NEO1: variants seen among roughly 807,000 people sequenced by gnomAD.
NEO1 encodes neogenin.
In NEO1, 63 loss-of-function variants were observed where a neutral mutation model predicts 159.7. That is an observed-to-expected ratio of 0.39 (90% CI 0.32 to 0.49). The LOEUF (loss-of-function observed/expected upper bound fraction) is 0.49. Among genes scored for constraint, NEO1 ranks in the 20% least tolerant of loss-of-function variants. NEO1 has a pLI of 0.85. For missense variants in NEO1, 1,615 were observed against 1,831.0 expected (o/e 0.88, Z 2.15); for synonymous variants, 633 against 662.0 (o/e 0.96, Z 0.67).
At chr15:73,262,111 G>A (rs1226508744) in intron 15 of NEO1, among the ~76,000 whole-genome samples, 1 of 152,120 alleles carries the variant, frequency 6.6e-6, no homozygotes, top group East Asian at 1.9e-4. Flanking sequence ...TACGCTATAT[G>A]CAAAAACAGA....
intron 2 of NEO1, among the ~76,000 whole-genome samples, chr15:73,117,127 TG>T (rs2071371561): frequency 6.6e-6 from 1 of 152,194 alleles, no homozygotes; most frequent in Non-Finnish European, 1.5e-5. Flanking sequence ...CTTTTAAACT[TG>T]GAAGTGGCAG....
At chr15:73,212,758 A>G (rs1248115746) in intron 7 of NEO1, among the ~76,000 whole-genome samples, 1 of 151,828 alleles carries the variant, frequency 6.6e-6, no homozygotes, top group Non-Finnish European at 1.5e-5. Flanking sequence ...AAACAGCCCA[A>G]AAAAAAAGGA....
chr15:73,167,253 A>G (rs2034640635), intron 5 of NEO1, among the ~76,000 whole-genome samples: 1 of 149,908 alleles, frequency 6.7e-6, no homozygotes, highest in African/African-American at 2.4e-5. Flanking sequence ...GTGCACATGT[A>G]CCCTAGAATT....
rs962416019 is a variant in NEO1 at position 73,122,757 on chromosome 15, G to A, written c.681G>A (p.Gly227=). The A allele has an allele frequency of 2.5e-6, 4 of 1,614,070 alleles. No individual in the cohort carries two copies. Among genetic ancestry groups the A allele is most frequent in the Non-Finnish European group, 2.5e-6 (3 of 1,180,036 alleles). ...ATCGCTGCGTAGTGGAAAGTGGTGG[G>A]CCACCAAAGTATAGTGATGAAGTTG... ...GLYRCVVESG[G]PPKYSDEVEL... is the part of the protein sequence containing the mutation. Residue 227 remains glycine (G), a synonymous_variant, in exon 3 of 29, where the codon GGG becomes GGA. Transcript: ENST00000261908.
At chr15:73,238,282 T>G (rs1395437003) in intron 8 of NEO1, among the ~76,000 whole-genome samples, 4 of 141,676 alleles carry the variant, frequency 2.8e-5, no homozygotes, top group Non-Finnish European at 6.1e-5. Flanking sequence ...TTTTTTTTTT[T>G]TTTTTTTTTT....
intron 4 of NEO1, 171 bp downstream of exon 4, chr15:73,126,741 T>A: frequency 1.9e-6 from 1 of 534,054 alleles, no homozygotes; most frequent in Non-Finnish European, 3.1e-6. Flanking sequence ...TGAGGATATT[T>A]AAAGAAAAAG....
chr15:73,159,272 T>A (rs1439509256), intron 5 of NEO1, among the ~76,000 whole-genome samples: 1 of 152,210 alleles, frequency 6.6e-6, no homozygotes, highest in Non-Finnish European at 1.5e-5. Context: ...ACGTATGTGT[T>A]GTAATATTTG....
Position 73,150,555 on chromosome 15 carries a change from AGAGT to A in NEO1, c.1015+14529_1015+14532del, listed in dbSNP as rs565249241. 8.5e-5 allele frequency among the ~76,000 whole-genome samples: 13 copies of A among 152,324 alleles called. No individual in the cohort carries two copies. The East Asian group carries it at 2.5e-3, about 29-fold the overall frequency. ...CAATCTAAATTTTTTGTTACATTTC[AGAGT>A]AAGTTGCAGACATACCCAGATCCTT... is the stretch of plus-strand genomic sequence containing the variant. On this transcript the variant is annotated intron_variant, in intron 5 of 28. Coordinates refer to ENST00000261908, the MANE Select transcript of NEO1 (RefSeq NM_002499.4).
At position 73,249,187 on chromosome 15, in the gene NEO1, A is replaced by G. The variant is rs1481297569; in HGVS notation, c.1734A>G (p.Glu578=). 2 of 1,613,950 alleles carry G rather than the reference A, an allele frequency of 1.2e-6. No individual in the cohort carries two copies. The highest frequency in any genetic ancestry group is 1.7e-6 in the Non-Finnish European group (2 of 1,179,952). The part of the protein sequence containing the change: ...EIQNYKLYYM[E]KGTDKEQDVD... ...AGAATTATAAATTGTACTACATGGA[A>G]AAGGGGACTGATAAAGAACAGGTAT... The change falls in exon 10 of 29, where the codon GAA becomes GAG. Residue 578 remains glutamate, a synonymous_variant. Transcript: ENST00000261908.
intron 1 of NEO1, among the ~76,000 whole-genome samples, chr15:73,099,938 A>G (rs972400685): frequency 3.3e-5 from 5 of 152,136 alleles, no homozygotes; most frequent in African/African-American, 4.8e-5. Context: ...ATCATTTTCT[A>G]CTTTTCTTGT....
chr15:73,274,055 T>A, intron 20 of NEO1, 50 bp downstream of exon 20: 1 of 1,525,016 alleles, frequency 6.6e-7, no homozygotes, highest in Non-Finnish European at 9.0e-7. Context: ...TTAGTGGGGC[T>A]ATGCTGACAC....
intron 7 of NEO1, among the ~76,000 whole-genome samples, chr15:73,203,129 G>A (rs2036999953): frequency 6.6e-6 from 1 of 152,096 alleles, no homozygotes; most frequent in Non-Finnish European, 1.5e-5. Flanking sequence ...TACTCAGAGT[G>A]GAATTGCTGG....
Position 73,236,430 on chromosome 15 carries a change from T to G in NEO1, c.1375T>G (p.Trp459Gly). 6.2e-7 allele frequency: 1 copy of G among 1,614,144 alleles called. No homozygotes were observed. Among genetic ancestry groups the G allele is most frequent in the Non-Finnish European group, 8.5e-7 (1 of 1,180,012 alleles). Residue 459 changes from tryptophan (W) to glycine (G), a missense_variant, in exon 8 of 29, where the codon TGG (tryptophan) becomes GGG (glycine). By Grantham distance (184) the Trp-to-Gly change is radical. Around this residue, in one of 3 missense-constraint regions of NEO1, gnomAD observed 1,018 missense variants for 1,115.4 expected, o/e 0.91. Coordinates refer to ENST00000261908, the MANE Select transcript of NEO1 (RefSeq NM_002499.4). ...LVSTRFIKLT[W>G]RTPASDPHGD... is the part of the protein sequence containing the mutation. ...CTCTACCCGCTTCATCAAATTGACGTGGCGGACACCTGCATCAGATCCTCA... is the reference window on the plus strand; with the variant it reads ...CTCTACCCGCTTCATCAAATTGACGGGGCGGACACCTGCATCAGATCCTCA...
At chr15:73,268,076 A>G (rs1299516694) in intron 16 of NEO1, among the ~76,000 whole-genome samples, 5 of 152,152 alleles carry the variant, frequency 3.3e-5, no homozygotes, top group African/African-American at 1.2e-4. Context: ...GACCCAGAAC[A>G]TCAGGGGGCC....
chr15:73,119,957 T>G (rs1403406638), intron 2 of NEO1, among the ~76,000 whole-genome samples: 1 of 151,976 alleles, frequency 6.6e-6, no homozygotes, highest in Non-Finnish European at 1.5e-5. Context: ...ACCAACATGG[T>G]GAAACCCCAT....
Position 73,223,974 on chromosome 15 carries a change from G to A in NEO1, c.1292-12373G>A, listed in dbSNP as rs1197000081. ...TTCAAGATGTAGAGCTCCTTTTAGC[G>A]GTCTCGTAGAGGTGGCTTGGGTAGT... On this transcript the variant is annotated intron_variant, in intron 7 of 28. Coordinates refer to ENST00000261908, the MANE Select transcript of NEO1 (RefSeq NM_002499.4). Among the ~76,000 whole-genome samples the A allele has an allele frequency of 2.6e-5, 4 of 152,102 alleles. No homozygotes were observed. In the East Asian group the frequency reaches 5.8e-4, roughly 22 times the overall value.
rs187318447 is a variant in NEO1 at position 73,244,372 on chromosome 15, G to A, written c.1480G>A (p.Gly494Arg). ...ACGTGTTGAGAATACCAGTCACCCAGGAGAGATGCAAGTAACCATTCAAAA... is the reference window on the plus strand; with the variant it reads ...ACGTGTTGAGAATACCAGTCACCCAAGAGAGATGCAAGTAACCATTCAAAA... ...RERVENTSHP[G>R]EMQVTIQNLM... is the part of the protein sequence containing the mutation. Residue 494 changes from glycine (G) to arginine (R), a missense_variant, in exon 9 of 29, where the codon GGA (glycine) becomes AGA (arginine). This residue lies in a region of NEO1 where 1,018 missense variants were observed against 1,115.4 expected (regional missense o/e 0.91). Coordinates refer to ENST00000261908, the MANE Select transcript of NEO1 (RefSeq NM_002499.4). 6.2e-7 allele frequency: 1 copy of A among 1,613,816 alleles called. No individual in the cohort carries two copies. Among genetic ancestry groups the A allele is most frequent in the African/African-American group, 1.3e-5 (1 of 75,028 alleles).
At position 73,122,659 on chromosome 15, in the gene NEO1, G is replaced by T. The variant is rs764365112; in HGVS notation, c.583G>T (p.Asp195Tyr). 2 of 1,613,986 alleles carry T rather than the reference G, an allele frequency of 1.2e-6. No homozygotes were observed. Among genetic ancestry groups the T allele is most frequent in the South Asian group, 2.2e-5 (2 of 91,080 alleles). ...WEQNRQPLLL[D>Y]DRVIKLPSGM... is the part of the protein sequence containing the mutation. ...ACAGAACAGACAACCCCTTCTTCTG[G>T]ATGATAGAGTTATCAAACTTCCAAG... Residue 195 changes from aspartate to tyrosine, a missense_variant, in exon 3 of 29, where the codon GAT (aspartate) becomes TAT (tyrosine). Transcript: ENST00000261908.
At chr15:73,269,210 T>TA (rs2041055537) in intron 16 of NEO1, among the ~76,000 whole-genome samples, 1 of 152,170 alleles carries the variant, frequency 6.6e-6, no homozygotes, top group Admixed American at 6.5e-5. Flanking sequence ...GTTGGACCCT[T>TA]ACATGAATAG....
Sources: gnomAD v4.1 joint callset for allele counts (sites outside exome capture counted in the v4.1 genomes callset) on GRCh38, gnomAD v4.1.1 for gene constraint, gnomAD v4.1.1 regional missense constraint, MANE v1.5 for transcripts, NCBI Gene and HGNC (gene_info 2026-07-23, HGNC 2026-07-21) for gene names.